MPP7: variants seen among roughly 807,000 people sequenced by gnomAD.
MPP7 encodes MAGUK p55 scaffold protein 7.
Under a neutral mutation model 76.5 loss-of-function variants are expected in MPP7, and 60 were observed. The ratio of observed to expected loss-of-function variants is 0.78; its 90% CI spans 0.64 to 0.97. The LOEUF is 0.97. Among genes scored for constraint, MPP7 ranks in the 50% least tolerant of loss-of-function variants. The pLI is 0.00. For synonymous variants in MPP7, 237 were observed against 244.5 expected (o/e 0.97, Z 0.29); for missense variants, 641 against 694.0 (o/e 0.92, Z 0.86).
intron 12 of MPP7, among the ~76,000 whole-genome samples, chr10:28,079,862 G>A (rs1439494574): frequency 2.0e-5 from 3 of 152,002 alleles, no homozygotes; most frequent in African/African-American, 7.3e-5. Context: ...ATATGGATGG[G>A]CATAATCCTA....
chr10:28,100,027 A>T (rs1853750944), intron 11 of MPP7, among the ~76,000 whole-genome samples: 1 of 151,478 alleles, frequency 6.6e-6, no homozygotes. Flanking sequence ...TAAAAATCGG[A>T]TTCATTTGAC....
At chr10:28,196,479 CGA>C (rs1837585946) in intron 3 of MPP7, among the ~76,000 whole-genome samples, 1 of 13,586 alleles carries the variant, frequency 7.4e-5, no homozygotes, top group African/African-American at 1.7e-4. Flanking sequence ...GACTCCATCT[CGA>C]AAAAAAAAAA....
intron 2 of MPP7, among the ~76,000 whole-genome samples, chr10:28,309,001 G>T (rs1203394250): frequency 6.6e-6 from 1 of 152,100 alleles, no homozygotes; most frequent in Non-Finnish European, 1.5e-5. Flanking sequence ...ACTCTTGCCT[G>T]GATGATTCAA....
chr10:28,075,892 A>C (rs758120627), intron 12 of MPP7, among the ~76,000 whole-genome samples: 1 of 152,216 alleles, frequency 6.6e-6, no homozygotes, highest in African/African-American at 2.4e-5. Context: ...TGCCTTATTC[A>C]ACAACGGCTT....
rs577763268 is a variant in MPP7, at chr10:28,162,828, T to C, written c.157-12769A>G. On this transcript the variant is annotated intron_variant, in intron 3 of 16. Transcript: ENST00000683449. ...CCGTGACTTTTGTCTTGCAGGTACA[T>C]GCCTAAGCCCCCTCCATATTCTTTC... Among the ~76,000 whole-genome samples the C allele has an allele frequency of 6.6e-5, 10 of 152,270 alleles. 1 individual carries two copies. In the South Asian group the frequency reaches 2.1e-3, roughly 32 times the overall value.
chr10:28,156,187 C>T (rs1023253539), intron 3 of MPP7, among the ~76,000 whole-genome samples: 2 of 152,188 alleles, frequency 1.3e-5, no homozygotes, highest in East Asian at 3.9e-4. Context: ...ATTTAACTTT[C>T]TATGCCTTAG....
At chr10:28,060,601 C>T (rs1459111027) in intron 13 of MPP7, among the ~76,000 whole-genome samples, 7 of 152,300 alleles carry the variant, frequency 4.6e-5, no homozygotes, top group Middle Eastern at 3.4e-3. Context: ...GGGAATCCTT[C>T]GCAGAGCAGC....
intron 6 of MPP7, among the ~76,000 whole-genome samples, chr10:28,127,116 A>T (rs984795258): frequency 6.6e-6 from 1 of 152,214 alleles, no homozygotes; most frequent in African/African-American, 2.4e-5. Flanking sequence ...GAATTAGTTA[A>T]GTGGAACCAA....
At chr10:28,182,242 C>A (rs532831623) in intron 3 of MPP7, among the ~76,000 whole-genome samples, 61 of 152,100 alleles carry the variant, frequency 4.0e-4, no homozygotes, top group African/African-American at 1.4e-3. Context: ...ATATGTTCAA[C>A]CCCTAATATT....
At chr10:28,231,547 CA>C (rs774583565) in intron 2 of MPP7, among the ~76,000 whole-genome samples, 281 of 129,658 alleles carry the variant, frequency 2.2e-3, no homozygotes, top group Admixed American at 2.9e-3. Flanking sequence ...ACATCAGGAC[CA>C]AAAAAAAAAA....
At chr10:28,320,337 T>C (rs1187122174) in intron 2 of MPP7, among the ~76,000 whole-genome samples, 1 of 152,006 alleles carries the variant, frequency 6.6e-6, no homozygotes, top group Admixed American at 6.6e-5. Context: ...TGGACAGCCA[T>C]GGAATGACCT....
chr10:28,207,166 C>T (rs1335761293), intron 2 of MPP7, among the ~76,000 whole-genome samples: 1 of 152,020 alleles, frequency 6.6e-6, no homozygotes, highest in African/African-American at 2.4e-5. Flanking sequence ...AAAATCTCAC[C>T]TTATATTTGG....
chr10:28,170,343 T>C (rs1302245223), intron 3 of MPP7, among the ~76,000 whole-genome samples: 1 of 151,782 alleles, frequency 6.6e-6, no homozygotes, highest in East Asian at 1.9e-4. Flanking sequence ...TTTTTTTAAT[T>C]TTTTTATATA....
chr10:28,146,008 T>C (rs1472681118), intron 5 of MPP7, among the ~76,000 whole-genome samples: 1 of 152,116 alleles, frequency 6.6e-6, no homozygotes, highest in Non-Finnish European at 1.5e-5. Context: ...GTCTGAAACA[T>C]GCTGCTTTCA....
chr10:28,268,486 C>A (rs1334981160), intron 1 of MPP7, among the ~76,000 whole-genome samples: 1 of 152,084 alleles, frequency 6.6e-6, no homozygotes, highest in African/African-American at 2.4e-5. Context: ...AATCCCAGCA[C>A]TTTGGGAGGC....
intron 1 of MPP7, among the ~76,000 whole-genome samples, chr10:28,302,101 A>G (rs1315189949): frequency 6.6e-6 from 1 of 152,154 alleles, no homozygotes; most frequent in Non-Finnish European, 1.5e-5. Flanking sequence ...AGAAAAAGAA[A>G]AAAATCACAA....
At chr10:28,073,723 T>C (rs1023003587) in intron 12 of MPP7, among the ~76,000 whole-genome samples, 2 of 152,066 alleles carry the variant, frequency 1.3e-5, no homozygotes, top group African/African-American at 2.4e-5. Context: ...TGGGCCAAGA[T>C]TGCATCACTG....
intron 1 of MPP7, among the ~76,000 whole-genome samples, chr10:28,266,985 C>T (rs909160184): frequency 6.6e-6 from 1 of 152,166 alleles, no homozygotes; most frequent in Non-Finnish European, 1.5e-5. Context: ...GTCACTAGGC[C>T]CATCAACATT....
chr10:28,173,593 A>G (rs1293027710), intron 3 of MPP7, among the ~76,000 whole-genome samples: 6 of 152,122 alleles, frequency 3.9e-5, no homozygotes, highest in African/African-American at 1.4e-4. Flanking sequence ...CTTCTTGTAC[A>G]GTCTGCAGAA....
Sources: gnomAD v4.1 joint callset for allele counts (sites outside exome capture counted in the v4.1 genomes callset) on GRCh38, gnomAD v4.1.1 for gene constraint, MANE v1.5 for transcripts, NCBI Gene and HGNC (gene_info 2026-07-23, HGNC 2026-07-21) for gene names.